The following LIPA variants were observed in gnomAD, a reference collection of about 807,000 sequenced individuals.
LIPA encodes lipase A, lysosomal acid type.
LIPA carries 26 observed loss-of-function variants against 40.6 expected under a neutral mutation model. The observed-to-expected ratio is 0.64, with a 90% CI of 0.47 to 0.89. LIPA has a LOEUF of 0.89. Among genes scored for constraint, LIPA ranks in the 40% least tolerant of loss-of-function variants. The pLI is 0.00. For synonymous variants in LIPA, 188 were observed against 168.4 expected, an observed-to-expected ratio of 1.12 and a Z score of -0.90; for missense variants, 455 against 479.6, an observed-to-expected ratio of 0.95 and a Z score of 0.48.
chr10:89,295,538 T>C (rs991377286), intron 1 of LIPA, among the ~76,000 whole-genome samples: 14 of 152,244 alleles, frequency 9.2e-5, no homozygotes, highest in African/African-American at 3.4e-4. Flanking sequence ...TTTCTGATTC[T>C]ATCAGTCTAG....
upstream of LIPA, among the ~76,000 whole-genome samples, chr10:89,252,799 C>A (rs1843146983): frequency 8.0e-6 from 1 of 124,424 alleles, no homozygotes; most frequent in Non-Finnish European, 1.7e-5. Flanking sequence ...GAGTGAGACT[C>A]CATCCCCCAA....
intron 2 of LIPA, among the ~76,000 whole-genome samples, chr10:89,370,485 T>C (rs1441754340): frequency 6.6e-6 from 1 of 152,098 alleles, no homozygotes; most frequent in Non-Finnish European, 1.5e-5. Flanking sequence ...TCTTCCCAAT[T>C]GGCCTTGGAA....
At chr10:89,224,977 C>G (rs1460096737) in intron 6 of LIPA, 115 bp downstream of exon 6, 1 of 1,316,644 alleles carries the variant, frequency 7.6e-7, no homozygotes, top group Non-Finnish European at 1.1e-6. Context: ...CCCACTGCTC[C>G]ACTGATATCA....
chr10:89,335,188 T>G (rs1252902942), intron 1 of LIPA: 1 of 152,186 alleles, frequency 6.6e-6, no homozygotes, highest in Non-Finnish European at 1.5e-5. Flanking sequence ...GGACCCAATT[T>G]TCAGTGGGTT....
At chr10:89,335,660 C>A (rs1178682221) in intron 1 of LIPA, 1 of 135,788 alleles carries the variant, frequency 7.4e-6, no homozygotes, top group Non-Finnish European at 1.6e-5. Flanking sequence ...TCCTGCAGGT[C>A]CACTGGATAC....
intron 1 of LIPA, among the ~76,000 whole-genome samples, chr10:89,273,323 G>A (rs1434791718): frequency 6.6e-6 from 1 of 152,188 alleles, no homozygotes; most frequent in Non-Finnish European, 1.5e-5. Flanking sequence ...GGAGTCAGAG[G>A]TAGGGGTTGC....
rs1841493286 is a variant in LIPA at position 89,413,414 on chromosome 10, C to G, written c.-71-492G>C. On this transcript the variant is annotated intron_variant, in intron 1 of 8. Coordinates refer to the LIPA transcript ENST00000371837. ...GGTGGGGTGCCAGAAGCTCAGTGAT[C>G]AAGGTAGACAATATTTCAATGCAAT... 3.3e-5 allele frequency among the ~76,000 whole-genome samples: 5 copies of G among 152,058 alleles called. No individual in the cohort carries two copies. In the South Asian group the frequency reaches 1.0e-3, roughly 32 times the overall value.
intron 2 of LIPA, chr10:89,384,682 T>C: frequency 6.2e-7 from 1 of 1,614,216 alleles, no homozygotes; most frequent in Non-Finnish European, 8.5e-7. Context: ...AAGTGATGCT[T>C]TGCTGTGCTA....
At chr10:89,251,199 A>G (rs1453119560) in intron 1 of LIPA, among the ~76,000 whole-genome samples, 1 of 152,224 alleles carries the variant, frequency 6.6e-6, no homozygotes, top group African/African-American at 2.4e-5. Context: ...TGGCAGTACC[A>G]TTAATTCCAT....
At chr10:89,363,266 G>C (rs1012243712) in intron 2 of LIPA, 3 of 153,126 alleles carry the variant, frequency 2.0e-5, no homozygotes, top group African/African-American at 7.2e-5. Context: ...ATCTCATGTT[G>C]AATTTGCTGT....
chr10:89,354,548 C>T (rs1843979339), intron 2 of LIPA, among the ~76,000 whole-genome samples: 1 of 152,126 alleles, frequency 6.6e-6, no homozygotes, highest in African/African-American at 2.4e-5. Flanking sequence ...CTTCAAAGCT[C>T]ATAAGTTAGA....
At chr10:89,340,631 A>C (rs1309113209) in intron 1 of LIPA, 2 of 152,148 alleles carry the variant, frequency 1.3e-5, no homozygotes. Flanking sequence ...CATAGTCCGA[A>C]GGTCTTACAA....
chr10:89,355,737 C>A (rs1843985073), intron 2 of LIPA, among the ~76,000 whole-genome samples: 1 of 152,170 alleles, frequency 6.6e-6, no homozygotes, highest in Non-Finnish European at 1.5e-5. Flanking sequence ...ATGAAAATGA[C>A]CTCTGGTCAT....
rs574624715 is a variant in LIPA, at chr10:89,216,666, T to A, written c.895-657A>T. On this transcript the variant is annotated intron_variant, in intron 8 of 9. Transcript: ENST00000336233. ...AGCATCATAAGTAATCTAGAGATGA[T>A]TTAAAGCATATGAAAGGATATGCAT... Among the ~76,000 whole-genome samples, 13 of 152,304 alleles carry A rather than the reference T, an allele frequency of 8.5e-5. No homozygotes were observed. The South Asian group carries it at 2.7e-3, about 32-fold the overall frequency.
chr10:89,286,942 A>G (rs904519400), intron 1 of LIPA, among the ~76,000 whole-genome samples: 7 of 152,246 alleles, frequency 4.6e-5, no homozygotes, highest in African/African-American at 4.8e-5. Flanking sequence ...GCATTCCTAG[A>G]GGACCTTCTC....
chr10:89,393,800 T>C (rs570919869), intron 2 of LIPA, among the ~76,000 whole-genome samples: 3 of 152,296 alleles, frequency 2.0e-5, no homozygotes, highest in Admixed American at 1.3e-4. Context: ...AGTGCTCCAG[T>C]TGGCAAAATT....
At chr10:89,244,514 G>A (rs551054072) in intron 3 of LIPA, among the ~76,000 whole-genome samples, 4 of 152,136 alleles carry the variant, frequency 2.6e-5, no homozygotes, top group East Asian at 1.9e-4. Context: ...CCTGGGAGGC[G>A]GAGGTTGCAG....
At chr10:89,232,703 C>T (rs918804101) in intron 3 of LIPA, among the ~76,000 whole-genome samples, 1 of 152,166 alleles carries the variant, frequency 6.6e-6, no homozygotes, top group Non-Finnish European at 1.5e-5. Flanking sequence ...CACATGGGAC[C>T]AGGACTCAGC....
intron 3 of LIPA, among the ~76,000 whole-genome samples, chr10:89,229,566 C>T (rs1488085409): frequency 6.6e-6 from 1 of 152,178 alleles, no homozygotes; most frequent in Non-Finnish European, 1.5e-5. Flanking sequence ...GCCTGGCCAA[C>T]ATGGCGAAAC....
Sources: gnomAD v4.1 joint callset for allele counts (sites outside exome capture counted in the v4.1 genomes callset) on GRCh38, gnomAD v4.1.1 for gene constraint, MANE v1.5 for transcripts, NCBI Gene and HGNC (gene_info 2026-07-23, HGNC 2026-07-21) for gene names.